DOCK10: variants seen among roughly 807,000 people sequenced by gnomAD.
DOCK10 encodes the protein dedicator of cytokinesis 10.
DOCK10 carries 145 observed loss-of-function variants against 280.1 expected under a neutral mutation model. The observed-to-expected ratio is 0.52, with a 90% confidence interval of 0.45 to 0.59. The LOEUF is 0.59. Among genes scored for constraint, DOCK10 ranks in the 20% least tolerant of loss-of-function variants. The probability of loss-of-function intolerance (pLI) is 0.00; values close to 1 mark genes in which losing one functional copy is unlikely to be tolerated. For missense variants in DOCK10, 2,368 were observed against 2,651.7 expected, an observed-to-expected ratio of 0.89 and a Z score of 2.35; for synonymous variants, 915 against 942.2, an observed-to-expected ratio of 0.97 and a Z score of 0.53.
chr2:224,815,735 C>G (rs1473142782), intron 30 of DOCK10, among the ~76,000 whole-genome samples: 1 of 151,942 alleles, frequency 6.6e-6, no homozygotes, highest in African/African-American at 2.4e-5. Flanking sequence ...TCATGAATAT[C>G]AAAGCAAATA....
chr2:224,797,243 CTTT>C, intron 42 of DOCK10, 97 bp from the exon 43 acceptor site: 1 of 725,582 alleles, frequency 1.4e-6, no homozygotes, highest in Non-Finnish European at 1.9e-6. Flanking sequence ...AATCCCTCTC[CTTT>C]TTTTTTTTAA....
intron 47 of DOCK10, among the ~76,000 whole-genome samples, chr2:224,792,102 A>G (rs1423875139): frequency 6.6e-6 from 1 of 152,104 alleles, no homozygotes; most frequent in Non-Finnish European, 1.5e-5. Context: ...GCAAAGAGTA[A>G]CTCTTTAGTC....
chr2:224,927,312 T>C, intron 2 of DOCK10, among the ~76,000 whole-genome samples: 1 of 152,126 alleles, frequency 6.6e-6, no homozygotes, highest in East Asian at 1.9e-4. Context: ...AGGAGCTGGA[T>C]TTGACTCTTA....
Position 224,770,330 on chromosome 2 carries a change from C to G in DOCK10, c.6325G>C (p.Gly2109Arg), listed in dbSNP as rs536592870. ...EIFRQFADAC[G>R]QALDVNERLI... ...CGCTCATTCACGTCAAGGGCCTGCC[C>G]ACATGCATCTGCAAATTGCCTTTAG... The change falls in exon 55 of 56, where the codon GGG becomes CGG. Residue 2109 changes from glycine to arginine, a missense_variant. Gly to Arg is a moderately radical substitution (Grantham distance 125). Transcript: ENST00000258390. This position sits in a 1 kb window ranked among gnomAD's most constrained non-coding sequence, Gnocchi z 4.5. 8.7e-6 allele frequency: 14 copies of G among 1,601,120 alleles called. No individual in the cohort carries two copies. The South Asian group carries it at 1.5e-4, about 17-fold the overall frequency.
intron 2 of DOCK10, among the ~76,000 whole-genome samples, chr2:224,924,352 C>T (rs527398253): frequency 6.6e-6 from 1 of 152,338 alleles, no homozygotes; most frequent in African/African-American, 2.4e-5. Flanking sequence ...CTAGCATTCT[C>T]TTCTCATTTT....
intron 1 of DOCK10, among the ~76,000 whole-genome samples, chr2:224,978,684 GA>G (rs1705577320): frequency 6.6e-6 from 1 of 152,180 alleles, no homozygotes; most frequent in Non-Finnish European, 1.5e-5. Context: ...TTAGAAGAGA[GA>G]AAGATCATTT....
At chr2:224,816,524 G>T in intron 30 of DOCK10, 93 bp downstream of exon 30, 1 of 815,948 alleles carries the variant, frequency 1.2e-6, no homozygotes, top group Non-Finnish European at 2.0e-6. Context: ...TATGACTGAA[G>T]AAACAGGAAA....
rs185195386 is a variant in DOCK10, at chr2:224,922,626, T to C, written c.244-5842A>G. Among the ~76,000 whole-genome samples the C allele has an allele frequency of 2.0e-3, 311 of 152,320 alleles. 1 individual carries two copies. The highest frequency in any genetic ancestry group is 6.7e-3 in the African/African-American group (277 of 41,582). On this transcript the variant is annotated intron_variant, in intron 2 of 55. Transcript: ENST00000258390. ...AGCCCTGTCACTTTCTGGTTTCTTG[T>C]AGCCTGCAGTGGATGGTCTTGGAGG...
At chr2:224,783,560 C>A (rs188121944) in intron 50 of DOCK10, among the ~76,000 whole-genome samples, 22 of 152,088 alleles carry the variant, frequency 1.4e-4, no homozygotes, top group Non-Finnish European at 2.5e-4. Flanking sequence ...AGGTGTGAGC[C>A]ACCGCGCCCA....
chr2:224,918,282 T>C (rs1701447989), intron 2 of DOCK10, among the ~76,000 whole-genome samples: 1 of 152,158 alleles, frequency 6.6e-6, no homozygotes, highest in African/African-American at 2.4e-5. Context: ...TGTGTACATG[T>C]GTATTCCATA....
At chr2:225,036,674 G>GA (rs1405472433) in intron 1 of DOCK10, among the ~76,000 whole-genome samples, 7 of 151,166 alleles carry the variant, frequency 4.6e-5, no homozygotes, top group Middle Eastern at 3.4e-3. Flanking sequence ...AAAACCCCAG[G>GA]AAAAAAATAT....
intron 1 of DOCK10, among the ~76,000 whole-genome samples, chr2:225,036,017 T>C (rs1393205921): frequency 1.3e-5 from 2 of 152,138 alleles, no homozygotes; most frequent in Admixed American, 6.5e-5. Flanking sequence ...ATATTAATCT[T>C]GGAAGGACAC....
intron 1 of DOCK10, among the ~76,000 whole-genome samples, chr2:225,037,713 T>A (rs915466211): frequency 1.3e-5 from 2 of 152,212 alleles, no homozygotes; most frequent in African/African-American, 4.8e-5. Flanking sequence ...CTTAACAAAT[T>A]ATTTACCTTA....
chr2:224,798,367 G>A (rs1288006664), intron 41 of DOCK10, among the ~76,000 whole-genome samples: 1 of 152,166 alleles, frequency 6.6e-6, no homozygotes, highest in Non-Finnish European at 1.5e-5. Context: ...ATGAGTTCAA[G>A]GTTGAGAAAG....
intron 27 of DOCK10, 136 bp from the exon 28 acceptor site, chr2:224,823,783 T>C (rs1301656651): frequency 2.7e-6 from 2 of 739,700 alleles, no homozygotes; most frequent in African/African-American, 3.7e-5. Context: ...AAAGCAGTAA[T>C]AAAATAGAAG....
chr2:224,813,173 A>G (rs1166980486), intron 31 of DOCK10, among the ~76,000 whole-genome samples: 3 of 152,198 alleles, frequency 2.0e-5, no homozygotes, highest in African/African-American at 7.2e-5. Flanking sequence ...ATATCAAAAC[A>G]TGTTTTCCAC....
chr2:224,904,746 T>C (rs1332628641), intron 3 of DOCK10, among the ~76,000 whole-genome samples: 1 of 152,210 alleles, frequency 6.6e-6, no homozygotes, highest in African/African-American at 2.4e-5. Flanking sequence ...AAAATTAGTA[T>C]GAAGCATACT....
chr2:224,949,691 T>C (rs1247465320), intron 1 of DOCK10, among the ~76,000 whole-genome samples: 1 of 152,232 alleles, frequency 6.6e-6, no homozygotes, highest in Non-Finnish European at 1.5e-5. Flanking sequence ...ATTCAAATCC[T>C]GGATCCATCA....
chr2:224,767,954 C>T (rs531393582), intron 55 of DOCK10, among the ~76,000 whole-genome samples: 34 of 151,956 alleles, frequency 2.2e-4, no homozygotes, highest in Admixed American at 3.9e-4. Flanking sequence ...GCTCTTGTCT[C>T]CCAGGCTGGA....
Sources: gnomAD v4.1 joint callset for allele counts (sites outside exome capture counted in the v4.1 genomes callset) on GRCh38, gnomAD v4.1.1 for gene constraint, Gnocchi (gnomAD v3.1) non-coding constraint, MANE v1.5 for transcripts, NCBI Gene and HGNC (gene_info 2026-07-23, HGNC 2026-07-21) for gene names.